Variants in SLC24A2 observed in about 807,000 individuals in gnomAD.
The protein encoded by SLC24A2 is solute carrier family 24 member 2.
In SLC24A2, 36 loss-of-function variants were observed where a neutral mutation model predicts 62.0. The ratio of observed to expected loss-of-function variants is 0.58; its 90% CI spans 0.44 to 0.77. The LOEUF (loss-of-function observed/expected upper bound fraction) is 0.77, where lower values mean the gene tolerates loss of function less well. Among genes scored for constraint, SLC24A2 ranks in the 30% least tolerant of loss-of-function variants. SLC24A2 has a pLI of 0.00. For missense variants in SLC24A2, 846 were observed against 817.9 expected, an observed-to-expected ratio of 1.03 and a Z score of -0.42; for synonymous variants, 358 against 294.0, an observed-to-expected ratio of 1.22 and a Z score of -2.23.
At chr9:19,861,137 G>A in the SLC24A2 span, among the ~76,000 whole-genome samples, 87,660 of 151,958 alleles carry the variant, frequency 0.58, 25,933 homozygotes, top group Non-Finnish European at 0.64. Context: ...GTAAGACCCA[G>A]TGCTGTGTTG....
intron 2 of SLC24A2, among the ~76,000 whole-genome samples, chr9:19,654,216 C>T (rs958067070): frequency 1.3e-5 from 2 of 152,256 alleles, no homozygotes; most frequent in East Asian, 1.9e-4. Flanking sequence ...TTTGATATCC[C>T]GCTCTTCCAC....
At chr9:20,160,101 C>G in the SLC24A2 span, among the ~76,000 whole-genome samples, 1 of 151,318 alleles carries the variant, frequency 6.6e-6, no homozygotes, top group East Asian at 1.9e-4. Flanking sequence ...TGGCCAATGA[C>G]TTACTAGATA....
At chr9:20,217,228 G>A in the SLC24A2 span, among the ~76,000 whole-genome samples, 1 of 152,164 alleles carries the variant, frequency 6.6e-6, no homozygotes. Context: ...ATTGCCAACT[G>A]TATGATTCCA....
the SLC24A2 span, among the ~76,000 whole-genome samples, chr9:19,923,956 C>A: frequency 1.3e-5 from 2 of 152,278 alleles, no homozygotes; most frequent in East Asian, 3.9e-4. Flanking sequence ...CCAGGCTGGT[C>A]TCGAACTCCT....
At chr9:19,706,361 C>CACTG (rs1397007306) in intron 2 of SLC24A2, among the ~76,000 whole-genome samples, 2 of 150,374 alleles carry the variant, frequency 1.3e-5, no homozygotes, top group African/African-American at 4.9e-5. Context: ...GAACACAGCA[C>CACTG]ACTGATGGGT....
At chr9:20,022,036 C>G in the SLC24A2 span, among the ~76,000 whole-genome samples, 1 of 152,194 alleles carries the variant, frequency 6.6e-6, no homozygotes, top group African/African-American at 2.4e-5. Context: ...ATTTAATTTA[C>G]TCTATGTCTA....
chr9:20,023,882 G>C, the SLC24A2 span, among the ~76,000 whole-genome samples: 2 of 152,200 alleles, frequency 1.3e-5, no homozygotes, highest in African/African-American at 4.8e-5. Context: ...TTAGGAATAT[G>C]TTTTCCGAAG....
chr9:19,522,597 G>A (rs1310279714), intron 9 of SLC24A2, among the ~76,000 whole-genome samples: 1 of 152,124 alleles, frequency 6.6e-6, no homozygotes, highest in Admixed American at 6.6e-5. Context: ...AGAGCCTGGT[G>A]AGCTGAACTA....
the SLC24A2 span, among the ~76,000 whole-genome samples, chr9:19,809,197 G>A: frequency 3.3e-5 from 5 of 152,202 alleles, no homozygotes; most frequent in Admixed American, 2.6e-4. Context: ...TGATAGGATA[G>A]TTTTGGTTTT....
intron 7 of SLC24A2, among the ~76,000 whole-genome samples, chr9:19,557,424 C>T (rs1835151216): frequency 6.6e-6 from 1 of 152,164 alleles, no homozygotes; most frequent in South Asian, 2.1e-4. Context: ...GGTTCTTATC[C>T]TGGGGCAGAG....
the SLC24A2 span, among the ~76,000 whole-genome samples, chr9:20,103,184 A>T: frequency 6.6e-6 from 1 of 152,178 alleles, no homozygotes; most frequent in African/African-American, 2.4e-5. Context: ...TAGGTAAACA[A>T]AGCAACTGGG....
chr9:20,168,879 G>A, the SLC24A2 span, among the ~76,000 whole-genome samples: 2 of 152,060 alleles, frequency 1.3e-5, no homozygotes, highest in Admixed American at 1.3e-4. Context: ...TGAAACCAGG[G>A]ATTCAAACAG....
intron 8 of SLC24A2, among the ~76,000 whole-genome samples, chr9:19,536,667 T>G (rs1038078133): frequency 1.9e-5 from 1 of 53,012 alleles, no homozygotes; most frequent in Admixed American, 2.5e-4. Flanking sequence ...AACATACGTG[T>G]GCATGTGTCT....
intron 2 of SLC24A2, among the ~76,000 whole-genome samples, chr9:19,690,212 C>A (rs1486986070): frequency 2.6e-5 from 4 of 152,124 alleles, no homozygotes; most frequent in Admixed American, 2.6e-4. Flanking sequence ...CATACACACA[C>A]ACACTTCTCC....
At chr9:20,279,334 C>T in the SLC24A2 span, among the ~76,000 whole-genome samples, 1 of 152,066 alleles carries the variant, frequency 6.6e-6, no homozygotes, top group Non-Finnish European at 1.5e-5. Context: ...AGTTCAAGAC[C>T]AGCTTGTCCA....
the SLC24A2 span, among the ~76,000 whole-genome samples, chr9:20,150,280 C>T: frequency 0.02 from 2,985 of 152,042 alleles, 39 homozygotes; most frequent in South Asian, 0.046. Context: ...CAGAGGATGC[C>T]TGTGGTTCCT....
chr9:19,759,521 A>C (rs1822247995), intron 2 of SLC24A2, among the ~76,000 whole-genome samples: 1 of 152,246 alleles, frequency 6.6e-6, no homozygotes, highest in African/African-American at 2.4e-5. Flanking sequence ...GTTTGGAGGA[A>C]AATGGCAGCA....
chr9:19,675,805 C>T (rs1476708529), intron 2 of SLC24A2, among the ~76,000 whole-genome samples: 1 of 152,160 alleles, frequency 6.6e-6, no homozygotes, highest in Non-Finnish European at 1.5e-5. Flanking sequence ...GGTTTTGTGC[C>T]TCCCCGCCTG....
the SLC24A2 span, among the ~76,000 whole-genome samples, chr9:20,126,643 G>C: frequency 1.3e-5 from 2 of 152,028 alleles, no homozygotes; most frequent in African/African-American, 4.8e-5. Flanking sequence ...GAGGCTTTAA[G>C]GATCAAAAGT....
Sources: allele counts gnomAD v4.1 joint callset (sites outside exome capture counted in the v4.1 genomes callset), GRCh38; gene constraint gnomAD v4.1.1; transcripts MANE v1.5; gene names NCBI Gene and HGNC (gene_info 2026-07-23, HGNC 2026-07-21).